Variants in CLEC20A observed in about 807,000 individuals in gnomAD.
The protein encoded by CLEC20A is C-type lectin domain containing 20A.
At chr1:178,486,401 G>A (rs1037617371) in intron 5 of CLEC20A, 3 of 398,736 alleles carry the variant, frequency 7.5e-6, no homozygotes, top group Non-Finnish European at 1.3e-5. Context: ...GCCTGGGGTG[G>A]AGGTCCTAAT....
chr1:178,488,539 G>C (rs1328217919), exon 5 of CLEC20A: 3 of 398,738 alleles, frequency 7.5e-6, no homozygotes, highest in Non-Finnish European at 1.3e-5. Flanking sequence ...TGTCATTTCT[G>C]TGGGGGAAGT....
chr1:178,480,357 C>G (rs1318264127), intron 7 of CLEC20A: 4 of 152,278 alleles, frequency 2.6e-5, no homozygotes, highest in Admixed American at 1.3e-4. Flanking sequence ...TTCCCTATTT[C>G]GACCTCAGTT....
intron 5 of CLEC20A, chr1:178,486,286 CA>C: frequency 2.5e-6 from 1 of 397,544 alleles, no homozygotes; most frequent in East Asian, 3.6e-5. Flanking sequence ...ACAACGCGCC[CA>C]CACCACACCC....
At chr1:178,496,991 A>C (rs1001441823), upstream of CLEC20A, 3 of 399,214 alleles carry the variant, frequency 7.5e-6, no homozygotes, top group Non-Finnish European at 1.3e-5. Context: ...ACGGGACAAG[A>C]CCCCGGAGCT....
rs1176321954 is a variant in CLEC20A at position 178,485,960 on chromosome 1, A to G, written c.928+2541T>C. On this transcript the variant is annotated intron_variant, in intron 5 of 7. Coordinates refer to ENST00000623247, the Ensembl canonical transcript of CLEC20A. ...ATTTCACTAGAGAACTGAGATTAAA[A>G]TGGTAATAACTACCATTTATTGAGT... is the stretch of plus-strand genomic sequence containing the variant. Among the ~76,000 whole-genome samples, 7 of 152,210 alleles carry G rather than the reference A, an allele frequency of 4.6e-5. No homozygotes were observed. The South Asian group carries it at 6.2e-4, about 13-fold the overall frequency.
intron 2 of CLEC20A, chr1:178,493,725 C>T (rs1649323140): frequency 6.6e-6 from 1 of 152,266 alleles, no homozygotes; most frequent in Non-Finnish European, 1.5e-5. Flanking sequence ...GGCCGCTCCC[C>T]TCCTGCCCAG....
intron 3 of CLEC20A, among the ~76,000 whole-genome samples, chr1:178,491,300 C>T (rs1572158665): frequency 6.6e-6 from 1 of 152,268 alleles, no homozygotes; most frequent in African/African-American, 2.4e-5. Flanking sequence ...TCCGGAGGCC[C>T]GGAAGATGAA....
chr1:178,489,384 AC>A (rs1172356208), intron 4 of CLEC20A, among the ~76,000 whole-genome samples: 1 of 152,160 alleles, frequency 6.6e-6, no homozygotes, highest in Non-Finnish European at 1.5e-5. Flanking sequence ...AATTAATTTA[AC>A]TAAATAAAAA....
At chr1:178,485,615 A>G (rs1312707898) in intron 5 of CLEC20A, among the ~76,000 whole-genome samples, 1 of 152,146 alleles carries the variant, frequency 6.6e-6, no homozygotes, top group African/African-American at 2.4e-5. Flanking sequence ...CATTTTCCAA[A>G]CCGTCCTGAC....
chr1:178,492,397 A>G (rs1374624893), intron 3 of CLEC20A, 104 bp downstream of exon 3: 2 of 398,320 alleles, frequency 5.0e-6, no homozygotes, highest in Non-Finnish European at 8.8e-6. Context: ...TCAGGGGAAC[A>G]GAGGGGACGC....
chr1:178,478,970 A>C (rs1250676381), downstream of CLEC20A: 1 of 152,248 alleles, frequency 6.6e-6, no homozygotes, highest in Non-Finnish European at 1.5e-5. Context: ...TCTTCTAAAA[A>C]TATATTTTAA....
upstream of CLEC20A, among the ~76,000 whole-genome samples, chr1:178,498,512 C>T (rs1201210329): frequency 6.6e-6 from 1 of 152,136 alleles, no homozygotes; most frequent in African/African-American, 2.4e-5. Flanking sequence ...ATTGCTTGAG[C>T]ATGGGAGGTT....
rs1044067546 is a variant in CLEC20A, at chr1:178,492,484, G to A, written c.463+17C>T. 144 of 398,550 alleles carry A rather than the reference G, an allele frequency of 3.6e-4. No homozygotes were observed. The highest frequency in any genetic ancestry group is 2.8e-3 in the African/African-American group (138 of 48,722). 24.7% of individuals were successfully genotyped at this position (398,550 alleles called of 1,614,324 possible). A position where few individuals can be genotyped will look rare whatever the true frequency, so the allele number is the denominator to read the frequency against. On this transcript the variant is annotated intron_variant, in intron 3 of 7. Transcript: ENST00000623247. ...AAGCCAAATTCCCAGAAAAGGGAATGGGGAGCAGGTATGTACCTGGCTTTG... is the reference window on the plus strand; with the variant it reads ...AAGCCAAATTCCCAGAAAAGGGAATAGGGAGCAGGTATGTACCTGGCTTTG...
intron 1 of CLEC20A, chr1:178,496,161 C>G (rs1022412898): frequency 2.0e-5 from 3 of 152,344 alleles, no homozygotes; most frequent in African/African-American, 7.2e-5. Context: ...GTGTCCACCC[C>G]TGGCACCCCA....
At chr1:178,479,582 C>T (rs942510810) in exon 8 of CLEC20A, 8 of 398,328 alleles carry the variant, frequency 2.0e-5, no homozygotes, top group Non-Finnish European at 2.7e-5. Flanking sequence ...CTAAATTGTT[C>T]GTGACCTAAT....
intron 4 of CLEC20A, 123 bp downstream of exon 4, chr1:178,489,949 C>A (rs1649233481): frequency 2.5e-6 from 1 of 397,432 alleles, no homozygotes; most frequent in Admixed American, 4.4e-5. Context: ...TCAGTTACCC[C>A]TCAGAGTCTG....
chr1:178,482,063 C>T (rs182772402), intron 7 of CLEC20A: 1 of 319,794 alleles, frequency 3.1e-6, no homozygotes, highest in Non-Finnish European at 5.5e-6. Context: ...GCTGTCTTGA[C>T]CAAAAAAAAA....
chr1:178,491,074 C>T (rs890882459), intron 3 of CLEC20A, among the ~76,000 whole-genome samples: 1 of 152,194 alleles, frequency 6.6e-6, no homozygotes, highest in Non-Finnish European at 1.5e-5. Context: ...AGTGGCCTTG[C>T]CTTCTGGGGA....
chr1:178,494,498 C>T (rs1052154861), exon 2 of CLEC20A: 11 of 399,498 alleles, frequency 2.8e-5, no homozygotes, highest in African/African-American at 2.1e-4. Flanking sequence ...GGAGGCAGCC[C>T]CTATGCTGGG....
Sources: gnomAD v4.1 joint callset for allele counts (sites outside exome capture counted in the v4.1 genomes callset) on GRCh38, gnomAD v4.1.1 for gene constraint, MANE v1.5 for transcripts, NCBI Gene and HGNC (gene_info 2026-07-23, HGNC 2026-07-21) for gene names.